Variants in CNTLN observed in about 807,000 individuals in gnomAD.
CNTLN encodes the protein centlein, centrosomal protein.
A neutral mutation model predicts 180.0 loss-of-function variants in CNTLN; 212 were observed. That is an observed-to-expected ratio of 1.18 (90% CI 1.05 to 1.32). The LOEUF (loss-of-function observed/expected upper bound fraction) is 1.32, where lower values mean the gene tolerates loss of function less well. Ranked by LOEUF, CNTLN falls within the 40% of genes most tolerant of loss-of-function variation. The pLI, the probability that CNTLN is intolerant of heterozygous loss-of-function variation, is 0.00. For synonymous variants in CNTLN, 722 were observed against 563.1 expected, an observed-to-expected ratio of 1.28 and a Z score of -3.99; for missense variants, 2,095 against 1,610.9, an observed-to-expected ratio of 1.30 and a Z score of -5.14.
intron 5 of CNTLN, among the ~76,000 whole-genome samples, chr9:17,268,248 T>G (rs1011066270): frequency 2.0e-5 from 3 of 152,196 alleles, no homozygotes; most frequent in Non-Finnish European, 2.9e-5. Flanking sequence ...TAGTTTTCCT[T>G]CTATCAGACA....
At chr9:17,378,138 A>C (rs1212378774) in intron 13 of CNTLN, among the ~76,000 whole-genome samples, 1 of 151,942 alleles carries the variant, frequency 6.6e-6, no homozygotes, top group African/African-American at 2.4e-5. Flanking sequence ...TTATCTCAAG[A>C]CTTTCCTTCA....
At chr9:17,445,218 A>G (rs1830334569) in intron 18 of CNTLN, among the ~76,000 whole-genome samples, 1 of 152,192 alleles carries the variant, frequency 6.6e-6, no homozygotes, top group African/African-American at 2.4e-5. Context: ...TCAACATGAT[A>G]TGAATACTTA....
intron 13 of CNTLN, 52 bp downstream of exon 13, chr9:17,366,769 T>C: frequency 2.0e-6 from 2 of 998,674 alleles, no homozygotes; most frequent in Non-Finnish European, 3.1e-6. Flanking sequence ...AATTGTGTAA[T>C]TCTTGATGTT....
downstream of CNTLN, among the ~76,000 whole-genome samples, chr9:17,506,243 C>T (rs940160117): frequency 6.6e-6 from 1 of 151,988 alleles, no homozygotes; most frequent in Admixed American, 6.6e-5. Flanking sequence ...ACACCAGAAG[C>T]ATGATGCAAA....
At chr9:17,430,975 C>T (rs1431812620) in intron 18 of CNTLN, among the ~76,000 whole-genome samples, 1 of 152,074 alleles carries the variant, frequency 6.6e-6, no homozygotes, top group East Asian at 1.9e-4. Flanking sequence ...TAGATTGATT[C>T]CGTGTCTTGG....
At chr9:17,449,776 T>C (rs1830680613) in intron 18 of CNTLN, among the ~76,000 whole-genome samples, 1 of 152,250 alleles carries the variant, frequency 6.6e-6, no homozygotes, top group African/African-American at 2.4e-5. Context: ...ATTCAGATTA[T>C]TTTGAAAGAC....
intron 18 of CNTLN, among the ~76,000 whole-genome samples, chr9:17,419,907 T>C (rs1049197795): frequency 1.3e-5 from 2 of 152,186 alleles, no homozygotes; most frequent in African/African-American, 4.8e-5. Flanking sequence ...TTATTTTTAT[T>C]GTAGTATAGT....
chr9:17,268,868 G>GT (rs1827716793), intron 5 of CNTLN, among the ~76,000 whole-genome samples: 2 of 151,862 alleles, frequency 1.3e-5, no homozygotes, highest in South Asian at 2.1e-4. Flanking sequence ...CTGGTGTGCC[G>GT]TTTTTTAATC....
chr9:17,273,726 AT>A lies in CNTLN; in HGVS notation c.850-3del. 1 of 1,465,446 alleles carries A rather than the reference AT, an allele frequency of 6.8e-7. No individual in the cohort carries two copies. The highest frequency in any genetic ancestry group is 9.2e-7 in the Non-Finnish European group (1 of 1,089,962). 90.8% of individuals were successfully genotyped at this position (1,465,446 alleles called of 1,614,324 possible). A position where few individuals can be genotyped will look rare whatever the true frequency, so the allele number is the denominator to read the frequency against. On this transcript the variant is annotated splice_polypyrimidine_tract_variant and splice_region_variant and intron_variant, in intron 5 of 25. Coordinates refer to ENST00000380647, the MANE Select transcript of CNTLN (RefSeq NM_017738.4). ...TTTGATTATTGATATAAGCACTCTAATTTTAGACCTTTGAAGACAATTTAAT... is the reference window on the plus strand; with the variant it reads ...TTTGATTATTGATATAAGCACTCTAATTTAGACCTTTGAAGACAATTTAAT...
At chr9:17,430,968 A>G (rs375068062) in intron 18 of CNTLN, among the ~76,000 whole-genome samples, 8 of 152,088 alleles carry the variant, frequency 5.3e-5, no homozygotes, top group Admixed American at 2.6e-4. Flanking sequence ...GGATAACTAG[A>G]TTGATTCCGT....
intron 7 of CNTLN, among the ~76,000 whole-genome samples, chr9:17,306,142 G>T (rs1759619): frequency 0.2 from 29,096 of 143,470 alleles, 3,580 homozygotes; most frequent in African/African-American, 0.35. Flanking sequence ...GCTATTAGTC[G>T]TCTATTTTTT....
At chr9:17,370,182 G>T (rs1824192210) in intron 13 of CNTLN, among the ~76,000 whole-genome samples, 1 of 152,026 alleles carries the variant, frequency 6.6e-6, no homozygotes, top group Admixed American at 6.6e-5. Flanking sequence ...CCTAGCAAAA[G>T]ATAACAATAT....
At chr9:17,367,822 G>C (rs753592081) in intron 13 of CNTLN, among the ~76,000 whole-genome samples, 4 of 152,028 alleles carry the variant, frequency 2.6e-5, no homozygotes, top group Non-Finnish European at 5.9e-5. Context: ...AAGAGCCCTT[G>C]GGCCCTGAAT....
At chr9:17,514,015 G>C in the CNTLN span, among the ~76,000 whole-genome samples, 1 of 151,922 alleles carries the variant, frequency 6.6e-6, no homozygotes, top group Admixed American at 6.6e-5. Flanking sequence ...CTTAAGAAGT[G>C]GTAGAAAGTC....
chr9:17,307,060 T>A (rs1448923721), intron 7 of CNTLN, among the ~76,000 whole-genome samples: 1 of 152,118 alleles, frequency 6.6e-6, no homozygotes, highest in Admixed American at 6.6e-5. Flanking sequence ...CTACTCTTTC[T>A]TGCCTCCTAG....
chr9:17,333,151 A>G (rs560117009), intron 10 of CNTLN, among the ~76,000 whole-genome samples: 1 of 152,238 alleles, frequency 6.6e-6, no homozygotes, highest in South Asian at 2.1e-4. Flanking sequence ...GAAAAATTAC[A>G]TTTAGTCAAA....
chr9:17,397,553 C>T (rs918338565), intron 15 of CNTLN, among the ~76,000 whole-genome samples: 31 of 152,122 alleles, frequency 2.0e-4, no homozygotes, highest in African/African-American at 7.0e-4. Flanking sequence ...GGGTTTTCAC[C>T]GGCTTCTTTA....
At chr9:17,392,712 C>T (rs1826204768) in intron 14 of CNTLN, among the ~76,000 whole-genome samples, 1 of 151,858 alleles carries the variant, frequency 6.6e-6, no homozygotes, top group Admixed American at 6.6e-5. Context: ...TGAGATTCTT[C>T]ATACTGTGTT....
intron 8 of CNTLN, among the ~76,000 whole-genome samples, chr9:17,319,590 T>G (rs1186326982): frequency 6.6e-6 from 1 of 152,206 alleles, no homozygotes; most frequent in Non-Finnish European, 1.5e-5. Context: ...GAACATAGAC[T>G]TGATCACTTA....
Sources: allele counts gnomAD v4.1 joint callset (sites outside exome capture counted in the v4.1 genomes callset), GRCh38; gene constraint gnomAD v4.1.1; transcripts MANE v1.5; gene names NCBI Gene and HGNC (gene_info 2026-07-23, HGNC 2026-07-21).